The following COL5A1 variants were observed in gnomAD, a reference collection of about 807,000 sequenced individuals.
COL5A1 encodes collagen alpha-1(V) chain.
Under a neutral mutation model 263.7 loss-of-function variants are expected in COL5A1, and 16 were observed. That is an observed-to-expected ratio of 0.06 (90% CI 0.04 to 0.09). The LOEUF (loss-of-function observed/expected upper bound fraction) is 0.09, where lower values mean the gene tolerates loss of function less well. Ranked by LOEUF, COL5A1 falls within the 10% of genes least tolerant of loss-of-function variation. The pLI, the probability that COL5A1 is intolerant of heterozygous loss-of-function variation, is 1.00. For missense variants in COL5A1, 2,036 were observed against 2,540.5 expected (o/e 0.80, Z 4.27); for synonymous variants, 1,012 against 1,004.5 (o/e 1.01, Z -0.14).
chr9:134,703,667 T>C (rs1484777778), intron 4 of COL5A1, among the ~76,000 whole-genome samples: 2 of 124,242 alleles, frequency 1.6e-5, no homozygotes, highest in Non-Finnish European at 3.2e-5. Context: ...AGACGGAGTC[T>C]CGCTCCGTCG....
At chr9:134,790,481 TCCAC>T (rs1837641667) in intron 32 of COL5A1, among the ~76,000 whole-genome samples, 1 of 69,854 alleles carries the variant, frequency 1.4e-5, no homozygotes, top group African/African-American at 7.1e-5. Context: ...CACCCACCCA[TCCAC>T]CCATCCACCC....
At chr9:134,805,657 G>A (rs1838269529) in intron 41 of COL5A1, among the ~76,000 whole-genome samples, 1 of 152,172 alleles carries the variant, frequency 6.6e-6, no homozygotes, top group Non-Finnish European at 1.5e-5. Flanking sequence ...ATTAGGCCAG[G>A]TACCCACCCA....
chr9:134,803,179 T>A (rs887956639), intron 39 of COL5A1, among the ~76,000 whole-genome samples, 184 bp downstream of exon 39: 1 of 152,180 alleles, frequency 6.6e-6, no homozygotes, highest in Non-Finnish European at 1.5e-5. Flanking sequence ...GGAGTCGCGC[T>A]GACCTGCTCA....
chr9:134,830,274 CACCGCTCTTGCCAA>C, intron 64 of COL5A1: 1 of 1,290,816 alleles, frequency 7.7e-7, no homozygotes, highest in South Asian at 1.3e-5. Context: ...ATGTGTGCCA[CACCGCTCTTGCCAA>C]ACCGCTCCAC....
chr9:134,786,289 C>G (rs914807755), intron 31 of COL5A1, among the ~76,000 whole-genome samples: 1 of 152,238 alleles, frequency 6.6e-6, no homozygotes, highest in African/African-American at 2.4e-5. Context: ...CACCGGCCGT[C>G]TCCACCCTGC....
chr9:134,810,250 C>G lies in COL5A1; in HGVS notation c.3475-5C>G, dbSNP rs746298145. The G allele has an allele frequency of 1.9e-6, 3 of 1,614,008 alleles. No homozygotes were observed. In the Admixed American group the frequency reaches 5.0e-5, roughly 27 times the overall value. ...TCTAACCGAATCCCCCACACCTTCCCCTAGGGAGAGATCGGGGAGCCGGGG... is the reference window on the plus strand; with the variant it reads ...TCTAACCGAATCCCCCACACCTTCCGCTAGGGAGAGATCGGGGAGCCGGGG... On this transcript the variant is annotated splice_region_variant and splice_polypyrimidine_tract_variant and intron_variant, in intron 43 of 65. Transcript: ENST00000371817.
chr9:134,688,017 G>A (rs1293232410), intron 1 of COL5A1, among the ~76,000 whole-genome samples: 1 of 152,196 alleles, frequency 6.6e-6, no homozygotes, highest in East Asian at 1.9e-4. Flanking sequence ...GCTCCTGAAA[G>A]GCTGTGCGCC....
At chr9:134,796,772 C>T (rs376100667) in intron 35 of COL5A1, 76 bp from the exon 36 acceptor site, 38 of 1,368,424 alleles carry the variant, frequency 2.8e-5, no homozygotes, top group East Asian at 9.1e-5. Flanking sequence ...AGAGAGCCAC[C>T]GGCACAGGCA....
At chr9:134,805,900 C>T (rs190903599) in intron 41 of COL5A1, among the ~76,000 whole-genome samples, 3 of 152,056 alleles carry the variant, frequency 2.0e-5, no homozygotes, top group Admixed American at 1.3e-4. Context: ...GGCAGACCCT[C>T]AAGGGGAGGG....
chr9:134,764,238 G>T (rs527346687), intron 20 of COL5A1, among the ~76,000 whole-genome samples: 2 of 132,854 alleles, frequency 1.5e-5, no homozygotes, highest in East Asian at 4.9e-4. Flanking sequence ...AACATGGCAG[G>T]GTTCAGTGGC....
intron 39 of COL5A1, among the ~76,000 whole-genome samples, chr9:134,803,771 G>C (rs993151877): frequency 1.3e-5 from 2 of 151,890 alleles, no homozygotes; most frequent in Non-Finnish European, 2.9e-5. Flanking sequence ...TGAACTCGGG[G>C]GGCGGAGCTT....
chr9:134,792,840 T>TGTGTGTGTGCGCACAC (rs1274462825), intron 32 of COL5A1, among the ~76,000 whole-genome samples: 26 of 66,418 alleles, frequency 3.9e-4, no homozygotes, highest in African/African-American at 4.0e-4. Context: ...TGCATGTGTA[T>TGTGTGTGTGCGCACAC]GTGTGTGTGC....
Position 134,754,130 on chromosome 9 carries a change from G to A in COL5A1, c.1774-143G>A, listed in dbSNP as rs563213839. The A allele has an allele frequency of 2.7e-5, 24 of 904,782 alleles. No individual in the cohort carries two copies. Among genetic ancestry groups the A allele is most frequent in the South Asian group, 1.2e-4 (9 of 72,452 alleles). 56.0% of individuals were successfully genotyped at this position (904,782 alleles called of 1,614,324 possible). ...GGCCTTCATTCTGGGCAGCAGATCC[G>A]TGTCCCGTCCCCGAAGTGCCCACAT... On this transcript the variant is annotated intron_variant, in intron 15 of 65. Coordinates refer to ENST00000371817, the MANE Select transcript of COL5A1 (RefSeq NM_000093.5). The surrounding 1 kb of genome is among the most constrained non-coding windows in gnomAD (Gnocchi z 4.3).
intron 1 of COL5A1, among the ~76,000 whole-genome samples, chr9:134,654,418 TGGAG>T (rs1414705177): frequency 1.1e-5 from 1 of 88,726 alleles, no homozygotes; most frequent in Non-Finnish European, 2.3e-5. Context: ...TGTGTAGGGC[TGGAG>T]GTGTGTAGGG....
chr9:134,736,982 A>T (rs897105583), intron 9 of COL5A1, among the ~76,000 whole-genome samples: 2 of 152,206 alleles, frequency 1.3e-5, no homozygotes, highest in African/African-American at 4.8e-5. Flanking sequence ...AGCACTGCTC[A>T]TACAGCTTTG....
intron 65 of COL5A1, among the ~76,000 whole-genome samples, chr9:134,835,479 T>C (rs1839820636): frequency 6.6e-6 from 1 of 152,200 alleles, no homozygotes; most frequent in Admixed American, 6.5e-5. Context: ...CCTCGCCCCA[T>C]CCAGGGCTGT....
chr9:134,817,449 A>G (rs73664149), intron 53 of COL5A1, among the ~76,000 whole-genome samples: 15,993 of 152,278 alleles, frequency 0.11, 999 homozygotes, highest in African/African-American at 0.17. Flanking sequence ...GTGGGGCAGT[A>G]AACAGCTGCC....
intron 27 of COL5A1, among the ~76,000 whole-genome samples, chr9:134,778,905 C>T (rs903849259): frequency 1.3e-5 from 2 of 152,254 alleles, no homozygotes; most frequent in South Asian, 2.1e-4. Context: ...GAAGGCGTTT[C>T]TGCAGTTACA....
intron 4 of COL5A1, 79 bp from the exon 5 acceptor site, chr9:134,727,187 A>T: frequency 6.8e-7 from 1 of 1,463,598 alleles, no homozygotes; most frequent in Non-Finnish European, 9.5e-7. Flanking sequence ...CCCTGCTTCA[A>T]GGCATGGGGC....
Sources: allele counts gnomAD v4.1 joint callset (sites outside exome capture counted in the v4.1 genomes callset), GRCh38; gene constraint gnomAD v4.1.1; non-coding constraint Gnocchi (gnomAD v3.1); transcripts MANE v1.5; gene names NCBI Gene and HGNC (gene_info 2026-07-23, HGNC 2026-07-21).